LPCAT1: variants seen among roughly 807,000 people sequenced by gnomAD.
LPCAT1 encodes 1-acylglycerol-3-phosphate O-acyltransferase.
Under a neutral mutation model 60.9 loss-of-function variants are expected in LPCAT1, and 23 were observed. The ratio of observed to expected loss-of-function variants is 0.38; its 90% confidence interval spans 0.27 to 0.53. The LOEUF (loss-of-function observed/expected upper bound fraction) is 0.53, where lower values mean the gene tolerates loss of function less well. Among genes scored for constraint, LPCAT1 ranks in the 20% least tolerant of loss-of-function variants. LPCAT1 has a pLI of 0.82. For synonymous variants in LPCAT1, 340 were observed against 301.1 expected, an observed-to-expected ratio of 1.13 and a Z score of -1.34; for missense variants, 622 against 723.6, an observed-to-expected ratio of 0.86 and a Z score of 1.61.
In LPCAT1 at chr5:1,470,922, G is replaced by A. The variant is rs758116326; in HGVS notation, c.1182C>T (p.Ser394=). Residue 394 remains serine, a splice_region_variant and synonymous_variant, in exon 12 of 14, where the codon AGC becomes AGT. Coordinates refer to ENST00000283415, the MANE Select transcript of LPCAT1 (RefSeq NM_024830.5). ...CTCGCAGGTCCACCTCGCCGCTGCC[G>A]CTCTGTGGGGAGAGACGCTCTCAGC... is the stretch of plus-strand genomic sequence containing the variant. ...LEDMFSLFDE[S]GSGEVDLREC... is the part of the protein sequence containing the mutation. 1.9e-6 allele frequency: 3 copies of A among 1,612,220 alleles called. No individual in the cohort carries two copies. Among genetic ancestry groups the A allele is most frequent in the South Asian group, 2.2e-5 (2 of 90,958 alleles).
rs1326035821 is a variant in LPCAT1 at position 1,463,393 on chromosome 5, G to A, written c.*258C>T. The A allele has an allele frequency of 4.2e-6, 2 of 480,634 alleles. No homozygotes were observed. The highest frequency in any genetic ancestry group is 2.0e-5 in the African/African-American group (1 of 50,542). 29.8% of individuals were successfully genotyped at this position (480,634 alleles called of 1,614,324 possible). On this transcript the variant is annotated 3_prime_UTR_variant, in exon 14 of 14. Coordinates refer to ENST00000283415, the MANE Select transcript of LPCAT1 (RefSeq NM_024830.5). ...GGCACCGGTGCCCCCCGCCCGGCAG[G>A]GAACCTGACCCCACGGGGTCCAGGC...
intron 2 of LPCAT1, among the ~76,000 whole-genome samples, chr5:1,500,813 T>C (rs965807712): frequency 6.6e-6 from 1 of 152,218 alleles, no homozygotes; most frequent in Non-Finnish European, 1.5e-5. Context: ...GGTGGCCACC[T>C]GCCCCCCGAG....
intron 1 of LPCAT1, 75 bp from the exon 2 acceptor site, chr5:1,501,678 C>T: frequency 1.4e-6 from 2 of 1,462,506 alleles, no homozygotes; most frequent in South Asian, 1.2e-5. Flanking sequence ...CAGAGGCTAG[C>T]CCAGGGGGAC....
intron 13 of LPCAT1, among the ~76,000 whole-genome samples, chr5:1,465,968 C>T (rs922067909): frequency 1.3e-5 from 2 of 152,252 alleles, no homozygotes; most frequent in South Asian, 2.1e-4. Flanking sequence ...TGCGCACATC[C>T]GCACTCCCGC....
intron 1 of LPCAT1, among the ~76,000 whole-genome samples, chr5:1,514,193 G>T (rs966119893): frequency 6.6e-6 from 1 of 152,248 alleles, no homozygotes; most frequent in Non-Finnish European, 1.5e-5. Flanking sequence ...CCTCGAGGCC[G>T]AGGGGAGGAG....
rs1470285595 is a variant in LPCAT1, at chr5:1,474,034, C to T, written c.1102G>A (p.Gly368Ser). 6.2e-7 allele frequency: 1 copy of T among 1,614,190 alleles called. No individual in the cohort carries two copies. Among genetic ancestry groups the T allele is most frequent in the South Asian group, 1.1e-5 (1 of 91,082 alleles). ...RARMKGGEKI[G>S]IAEFAASLEV... ...AGGGAGGCGGCAAACTCCGCAATAC[C>T]TATCTTCTCTCCTCCCTTCATCCTG... The change falls in exon 11 of 14, where the codon GGT becomes AGT. Residue 368 changes from glycine (G) to serine (S), a missense_variant. Gly to Ser is a moderately conservative substitution (Grantham distance 56). Coordinates refer to ENST00000283415, the MANE Select transcript of LPCAT1 (RefSeq NM_024830.5).
At chr5:1,482,098 T>G (rs951422424) in intron 6 of LPCAT1, among the ~76,000 whole-genome samples, 2 of 151,778 alleles carry the variant, frequency 1.3e-5, no homozygotes, top group Non-Finnish European at 2.9e-5. Context: ...CCCAGGTGGG[T>G]GCTCCACCAG....
At chr5:1,498,397 G>A (rs190262751) in intron 2 of LPCAT1, among the ~76,000 whole-genome samples, 1 of 152,160 alleles carries the variant, frequency 6.6e-6, no homozygotes, top group Non-Finnish European at 1.5e-5. Context: ...TGAAGGAGAC[G>A]CCAGGGGCTC....
chr5:1,488,411 C>T lies in LPCAT1; in HGVS notation c.647G>A (p.Cys216Tyr), dbSNP rs1735450164. The change falls in exon 5 of 14, where the codon TGC becomes TAC. Residue 216 changes from cysteine (C) to tyrosine (Y), a missense_variant. By Grantham distance (194) the Cys-to-Tyr change is radical. This residue lies in a region of LPCAT1 where 209 missense variants were observed against 325.5 expected (regional missense o/e 0.64). Transcript: ENST00000283415. ...FPEGTCTNRTCLITFKPGAFI... is the reference protein window; with the variant it reads ...FPEGTCTNRTYLITFKPGAFI... ...CATACCAGGTTTGAAGGTAATTAGG[C>T]AGGTCCTGTTTGTACAAGTTCCTTC... is the stretch of plus-strand genomic sequence containing the variant. 6.3e-7 allele frequency: 1 copy of T among 1,593,982 alleles called. No homozygotes were observed. The highest frequency in any genetic ancestry group is 1.4e-5 in the African/African-American group (1 of 73,714).
At chr5:1,508,942 G>A (rs1379838384) in intron 1 of LPCAT1, among the ~76,000 whole-genome samples, 3 of 152,380 alleles carry the variant, frequency 2.0e-5, no homozygotes, top group East Asian at 1.9e-4. Context: ...TCAAAGACAC[G>A]AGGTTGCCAG....
chr5:1,515,720 T>C (rs1481822207), intron 1 of LPCAT1, among the ~76,000 whole-genome samples: 2 of 151,350 alleles, frequency 1.3e-5, no homozygotes, highest in Non-Finnish European at 2.9e-5. Context: ...TGCTCCACAC[T>C]ACGGGCAAAT....
In LPCAT1 at chr5:1,523,960, G is replaced by A; in HGVS notation, c.-116C>T. On this transcript the variant is annotated 5_prime_UTR_variant, in exon 1 of 14. Coordinates refer to ENST00000283415, the MANE Select transcript of LPCAT1 (RefSeq NM_024830.5). The surrounding 1 kb of genome is among the most constrained non-coding windows in gnomAD (Gnocchi z 7.1). ...CGAGGATGCGCGGCGGCTGGAGCGG[G>A]CCGGGCGCGCAGGCGCGGGAGGTGA... 10 of 752,794 alleles carry A rather than the reference G, an allele frequency of 1.3e-5. No homozygotes were observed. The highest frequency in any genetic ancestry group is 1.6e-5 in the Non-Finnish European group (10 of 617,046). The allele number at this position is 752,794 out of a possible 1,614,324, so 46.6% of individuals were successfully genotyped here.
chr5:1,513,065 G>A (rs527247327), intron 1 of LPCAT1, among the ~76,000 whole-genome samples: 24 of 152,312 alleles, frequency 1.6e-4, no homozygotes, highest in African/African-American at 5.5e-4. Context: ...CGGAGGGAGG[G>A]CCCAGGCAGG....
At chr5:1,514,359 C>T (rs372869604) in intron 1 of LPCAT1, among the ~76,000 whole-genome samples, 217 of 152,330 alleles carry the variant, frequency 1.4e-3, no homozygotes, top group Middle Eastern at 0.01. Flanking sequence ...CGCAGGTGCA[C>T]GGGCCTCACA....
At chr5:1,467,680 C>T (rs906233324) in intron 12 of LPCAT1, among the ~76,000 whole-genome samples, 2 of 152,100 alleles carry the variant, frequency 1.3e-5, no homozygotes, top group African/African-American at 4.8e-5. Flanking sequence ...CTTCGGCTCC[C>T]TGTGGGGTGC....
chr5:1,469,531 C>T (rs566865282), intron 12 of LPCAT1, among the ~76,000 whole-genome samples: 93 of 152,336 alleles, frequency 6.1e-4, no homozygotes, highest in African/African-American at 2.1e-3. Flanking sequence ...AATCCCAGCA[C>T]TTTGGGATGC....
At chr5:1,504,320 G>GGA (rs761883570) in intron 1 of LPCAT1, among the ~76,000 whole-genome samples, 9 of 152,264 alleles carry the variant, frequency 5.9e-5, no homozygotes, top group Admixed American at 1.3e-4. Context: ...GCGCAGCGGA[G>GGA]GAGACCGTAG....
chr5:1,485,790 T>C (rs1212701973), intron 5 of LPCAT1, among the ~76,000 whole-genome samples: 1 of 151,360 alleles, frequency 6.6e-6, no homozygotes, highest in African/African-American at 2.4e-5. Context: ...GCCACATCCA[T>C]GTCTGCTCAC....
chr5:1,465,282 A>C, intron 13 of LPCAT1, among the ~76,000 whole-genome samples: 2 of 132,082 alleles, frequency 1.5e-5, no homozygotes, highest in African/African-American at 5.9e-5. Flanking sequence ...ACACACACAC[A>C]CGCACGGTAC....
Sources: gnomAD v4.1 joint callset for allele counts (sites outside exome capture counted in the v4.1 genomes callset) on GRCh38, gnomAD v4.1.1 for gene constraint, gnomAD v4.1.1 regional missense constraint, Gnocchi (gnomAD v3.1) non-coding constraint, MANE v1.5 for transcripts, NCBI Gene and HGNC (gene_info 2026-07-23, HGNC 2026-07-21) for gene names.